AKAP19: variants seen among roughly 807,000 people sequenced by gnomAD.
AKAP19 encodes the protein A-kinase anchoring protein 19, also known as small A-kinase anchoring protein.
the AKAP19 span, among the ~76,000 whole-genome samples, chr2:190,083,655 G>GT: frequency 2.1e-5 from 3 of 145,714 alleles, no homozygotes; most frequent in Admixed American, 1.4e-4. Context: ...ACTCTAGGGC[G>GT]TGAGTTATGG....
At chr2:190,099,536 TATAATA>T in the AKAP19 span, among the ~76,000 whole-genome samples, 2 of 151,972 alleles carry the variant, frequency 1.3e-5, no homozygotes, top group Non-Finnish European at 2.9e-5. Flanking sequence ...CCATAACAGA[TATAATA>T]ATAATAATAA....
At chr2:189,947,603 A>C in the AKAP19 span, among the ~76,000 whole-genome samples, 1 of 152,146 alleles carries the variant, frequency 6.6e-6, no homozygotes, top group African/African-American at 2.4e-5. Flanking sequence ...CAATTAAATG[A>C]TGATAATAAT....
chr2:189,889,464 C>T, the AKAP19 span, among the ~76,000 whole-genome samples: 1 of 152,082 alleles, frequency 6.6e-6, no homozygotes, highest in African/African-American at 2.4e-5. Flanking sequence ...AGGAGGATTC[C>T]CTCTTTTTCT....
At chr2:189,997,421 A>C in the AKAP19 span, among the ~76,000 whole-genome samples, 1 of 152,180 alleles carries the variant, frequency 6.6e-6, no homozygotes, top group Non-Finnish European at 1.5e-5. Context: ...AGGGTTAGGC[A>C]GGTCTGAGTT....
the AKAP19 span, among the ~76,000 whole-genome samples, chr2:190,042,124 T>A: frequency 6.6e-6 from 1 of 152,152 alleles, no homozygotes; most frequent in Admixed American, 6.5e-5. Flanking sequence ...CTGGTAGAAT[T>A]TGGCTGTGAA....
chr2:189,984,279 A>C, the AKAP19 span, among the ~76,000 whole-genome samples: 1 of 152,006 alleles, frequency 6.6e-6, no homozygotes, highest in Non-Finnish European at 1.5e-5. Context: ...ACACAGGTAC[A>C]CCCTGGGGGG....
the AKAP19 span, among the ~76,000 whole-genome samples, chr2:189,947,271 G>T: frequency 3.3e-5 from 5 of 152,122 alleles, no homozygotes; most frequent in Non-Finnish European, 7.4e-5. Context: ...TATTCCATTT[G>T]CACATAAAAG....
At chr2:190,188,832 T>C in the AKAP19 span, among the ~76,000 whole-genome samples, 1 of 152,220 alleles carries the variant, frequency 6.6e-6, no homozygotes, top group Admixed American at 6.5e-5. Context: ...TTATTCATGA[T>C]AAATCTTGAG....
chr2:190,163,455 C>CAAAAAAA, the AKAP19 span, among the ~76,000 whole-genome samples: 13 of 136,682 alleles, frequency 9.5e-5, no homozygotes, highest in East Asian at 4.4e-4. Flanking sequence ...AAACAAAAAA[C>CAAAAAAA]AAAAAAAAAA....
chr2:190,137,195 A>G, the AKAP19 span, among the ~76,000 whole-genome samples: 1 of 152,242 alleles, frequency 6.6e-6, no homozygotes, highest in African/African-American at 2.4e-5. Flanking sequence ...GGTTGAGTCT[A>G]TAAAAATTTG....
the AKAP19 span, among the ~76,000 whole-genome samples, chr2:189,881,771 C>T: frequency 6.6e-6 from 1 of 151,980 alleles, no homozygotes; most frequent in Admixed American, 6.6e-5. Context: ...GAATTCAGTC[C>T]AAAGTAGAAA....
chr2:190,184,624 G>A, the AKAP19 span, among the ~76,000 whole-genome samples: 2 of 152,170 alleles, frequency 1.3e-5, no homozygotes, highest in Non-Finnish European at 2.9e-5. Context: ...GGAAGGGCGG[G>A]AGGAGGACTA....
the AKAP19 span, among the ~76,000 whole-genome samples, chr2:190,095,901 T>C: frequency 5.3e-5 from 8 of 151,982 alleles, no homozygotes; most frequent in South Asian, 6.2e-4. Context: ...GAAGGAAAGA[T>C]AGATGTAAAG....
the AKAP19 span, among the ~76,000 whole-genome samples, chr2:189,932,814 A>C: frequency 1.3e-5 from 2 of 152,000 alleles, no homozygotes; most frequent in African/African-American, 4.8e-5. Context: ...TTGACTGAAT[A>C]TGTCTCCTGG....
At chr2:189,891,812 T>G in the AKAP19 span, among the ~76,000 whole-genome samples, 1 of 152,136 alleles carries the variant, frequency 6.6e-6, no homozygotes, top group South Asian at 2.1e-4. Flanking sequence ...TACTGAATAA[T>G]ATCCTGAAGA....
At chr2:190,016,286 G>T in the AKAP19 span, among the ~76,000 whole-genome samples, 1 of 152,216 alleles carries the variant, frequency 6.6e-6, no homozygotes, top group African/African-American at 2.4e-5. Context: ...TGGCTGGGGA[G>T]GCCTCAGGAA....
chr2:189,974,353 A>G, the AKAP19 span, among the ~76,000 whole-genome samples: 3 of 152,154 alleles, frequency 2.0e-5, no homozygotes, highest in Non-Finnish European at 4.4e-5. Context: ...ACAGTTTGTT[A>G]TAATTTCTGT....
the AKAP19 span, among the ~76,000 whole-genome samples, chr2:190,060,887 G>T: frequency 6.6e-6 from 1 of 151,962 alleles, no homozygotes; most frequent in Admixed American, 6.6e-5. Context: ...CTGGGGACAA[G>T]ACACACTGAG....
At chr2:190,058,189 T>C in the AKAP19 span, among the ~76,000 whole-genome samples, 2 of 152,058 alleles carry the variant, frequency 1.3e-5, no homozygotes, top group Non-Finnish European at 2.9e-5. Flanking sequence ...TTTCCTTTAT[T>C]CTTTCACTGG....
Sources: allele counts gnomAD v4.1 joint callset (sites outside exome capture counted in the v4.1 genomes callset), GRCh38; gene constraint gnomAD v4.1.1; transcripts MANE v1.5; gene names NCBI Gene and HGNC (gene_info 2026-07-23, HGNC 2026-07-21).